Variants in SEPTIN4 observed in about 807,000 individuals in gnomAD.
SEPTIN4 encodes the protein septin-4.
Under a neutral mutation model 107.1 loss-of-function variants are expected in SEPTIN4, and 52 were observed. That is an observed-to-expected ratio of 0.49 (90% CI 0.39 to 0.61). SEPTIN4 has a LOEUF of 0.61. SEPTIN4 is among the 20% of genes least tolerant of loss of function. The probability of loss-of-function intolerance (pLI) is 0.00; values close to 1 mark genes in which losing one functional copy is unlikely to be tolerated. For synonymous variants in SEPTIN4, 417 were observed against 467.0 expected, an observed-to-expected ratio of 0.89 and a Z score of 1.38; for missense variants, 1,048 against 1,243.5, an observed-to-expected ratio of 0.84 and a Z score of 2.36.
rs755554839 is a variant in SEPTIN4, at chr17:58,526,953, G to A, written c.1640C>T (p.Thr547Met). 8.2e-5 allele frequency: 133 copies of A among 1,613,956 alleles called. No individual in the cohort carries two copies. Among genetic ancestry groups the A allele is most frequent in the African/African-American group, 1.2e-4 (9 of 74,902 alleles). The stretch of plus-strand genomic sequence containing the variant: ...GAACTTGCTCAGTTCTCCATCATCC[G>A]TGGTGTCCTCCAGGAAACGCTTGAT... ...EEIKRFLEDTTDDGELSKFVK... is the reference protein window; with the variant it reads ...EEIKRFLEDTMDDGELSKFVK... Residue 547 changes from threonine to methionine, a missense_variant, in exon 4 of 14, where the codon ACG becomes ATG. This residue lies in a region of SEPTIN4 where 787 missense variants were observed against 871.8 expected (regional missense o/e 0.90). Coordinates refer to ENST00000672673, the MANE Select transcript of SEPTIN4 (RefSeq NM_001368771.2).
At chr17:58,529,471 T>A in intron 3 of SEPTIN4, 1 of 1,309,782 alleles carries the variant, frequency 7.6e-7, no homozygotes. Flanking sequence ...TCTGATTGGC[T>A]GTCCCATGAC....
intron 3 of SEPTIN4, among the ~76,000 whole-genome samples, chr17:58,532,454 C>T (rs1339261893): frequency 6.6e-6 from 1 of 152,198 alleles, no homozygotes; most frequent in Admixed American, 6.5e-5. Context: ...CGCAGGGATT[C>T]AACAAGGTTT....
At position 58,538,893 on chromosome 17, in the gene SEPTIN4, G is replaced by A. The variant is rs905203507; in HGVS notation, c.1614+1773C>T. 4.6e-5 allele frequency among the ~76,000 whole-genome samples: 7 copies of A among 152,186 alleles called. No individual in the cohort carries two copies. Among genetic ancestry groups the A allele is most frequent in the African/African-American group, 1.2e-4 (5 of 41,436 alleles). ...TGATGCCTTCCACAAGCCAGGCATC[G>A]TGGCCAGGCCACCAGAGAATTCCTG... On this transcript the variant is annotated intron_variant, in intron 3 of 13. Transcript: ENST00000672673. This position sits in a 1 kb window ranked among gnomAD's most constrained non-coding sequence, Gnocchi z 4.7.
chr17:58,524,053 T>G (rs2042565059), intron 7 of SEPTIN4, among the ~76,000 whole-genome samples: 1 of 152,218 alleles, frequency 6.6e-6, no homozygotes, highest in Non-Finnish European at 1.5e-5. Flanking sequence ...CTCAAGATCA[T>G]GAAGTTACTA....
At chr17:58,529,021 G>A in intron 3 of SEPTIN4, 1 of 1,483,614 alleles carries the variant, frequency 6.7e-7, no homozygotes, top group African/African-American at 1.4e-5. Flanking sequence ...AGCTCTGCCA[G>A]TGACCAAATC....
In SEPTIN4 at chr17:58,526,955, G is replaced by C. The variant is rs144270535; in HGVS notation, c.1638C>G (p.Thr546=). ...ACTTGCTCAGTTCTCCATCATCCGT[G>C]GTGTCCTCCAGGAAACGCTTGATCT... The part of the protein sequence containing the change: ...DEEIKRFLED[T]TDDGELSKFV... Residue 546 remains threonine (T), a synonymous_variant, in exon 4 of 14, where the codon ACC becomes ACG. Transcript: ENST00000672673. The C allele has an allele frequency of 3.5e-5, 57 of 1,614,052 alleles. No individual in the cohort carries two copies. In the African/African-American group the frequency reaches 7.6e-4, roughly 22 times the overall value.
Position 58,521,047 on chromosome 17 carries a change from G to A in SEPTIN4, c.2782C>T (p.Gln928Ter). Residue 928 changes from glutamine (Q) to a stop codon, truncating the protein, a stop_gained, in exon 12 of 14, where the codon CAG becomes TAG. Coordinates refer to ENST00000672673, the MANE Select transcript of SEPTIN4 (RefSeq NM_001368771.2). LOFTEE classifies it high-confidence loss of function. The surrounding 1 kb of genome is among the most constrained non-coding windows in gnomAD (Gnocchi z 6.4). ...RETHYENYRA[Q>*]CIQSMTRLVV... ...AGGCGGGTCATGCTCTGGATGCACT[G>A]TGCCCGGTAGTTCTCATAATGTGTC... 3.7e-6 allele frequency: 6 copies of A among 1,614,154 alleles called. No homozygotes were observed. Among genetic ancestry groups the A allele is most frequent in the Non-Finnish European group, 5.1e-6 (6 of 1,180,032 alleles).
chr17:58,538,530 G>A lies in SEPTIN4; in HGVS notation c.1614+2136C>T, dbSNP rs2043791053. Among the ~76,000 whole-genome samples the A allele has an allele frequency of 6.6e-6, 1 of 152,104 alleles. No individual in the cohort carries two copies. Among genetic ancestry groups the A allele is most frequent in the Non-Finnish European group, 1.5e-5 (1 of 68,020 alleles). On this transcript the variant is annotated intron_variant, in intron 3 of 13. Coordinates refer to ENST00000672673, the MANE Select transcript of SEPTIN4 (RefSeq NM_001368771.2). This position sits in a 1 kb window ranked among gnomAD's most constrained non-coding sequence, Gnocchi z 4.7. ...CATTGCAGCCCCTCCCATCAGAACT[G>A]CTTTATTTCCAGGAAATCCCCAGGG...
intron 3 of SEPTIN4, among the ~76,000 whole-genome samples, chr17:58,537,690 C>T (rs894106858): frequency 2.0e-5 from 3 of 152,068 alleles, no homozygotes; most frequent in Middle Eastern, 3.4e-3. Flanking sequence ...ACTAGCTGGG[C>T]GTGGTGGCGG....
chr17:58,533,365 T>C, intron 3 of SEPTIN4, among the ~76,000 whole-genome samples: 1 of 152,162 alleles, frequency 6.6e-6, no homozygotes, highest in East Asian at 1.9e-4. Context: ...TTTCCATACC[T>C]GAAAATGAGG....
Position 58,538,555 on chromosome 17 carries a change from G to A in SEPTIN4, c.1614+2111C>T, listed in dbSNP as rs2043791637. ...GCTTTATTTCCAGGAAATCCCCAGG[G>A]CTATGTGAGAAGGCAGCCCCCAGTG... On this transcript the variant is annotated intron_variant, in intron 3 of 13. Transcript: ENST00000672673. This position sits in a 1 kb window ranked among gnomAD's most constrained non-coding sequence, Gnocchi z 4.7. Among the ~76,000 whole-genome samples, 1 of 152,054 alleles carries A rather than the reference G, an allele frequency of 6.6e-6. No individual in the cohort carries two copies. The highest frequency in any genetic ancestry group is 1.5e-5 in the Non-Finnish European group (1 of 68,012).
chr17:58,530,372 A>G (rs1021797978), intron 3 of SEPTIN4: 1 of 152,056 alleles, frequency 6.6e-6, no homozygotes, highest in African/African-American at 2.4e-5. Context: ...GTAAATTTAA[A>G]CCCCCTGGCA....
chr17:58,535,129 A>G (rs1263221012), intron 3 of SEPTIN4, among the ~76,000 whole-genome samples: 1 of 152,224 alleles, frequency 6.6e-6, no homozygotes, highest in African/African-American at 2.4e-5. Flanking sequence ...AAGTCTGTCC[A>G]ACAAGGTCTG....
chr17:58,530,094 G>T (rs2043333057), intron 3 of SEPTIN4: 1 of 152,222 alleles, frequency 6.6e-6, no homozygotes, highest in South Asian at 2.1e-4. Flanking sequence ...ATAAATTAAG[G>T]GGCCTGGTTG....
chr17:58,532,099 G>A lies in SEPTIN4; in HGVS notation c.1615-5121C>T, dbSNP rs1389599651. 30 of 1,069,106 alleles carry A rather than the reference G, an allele frequency of 2.8e-5. No individual in the cohort carries two copies. In the African/African-American group the frequency reaches 4.4e-4, roughly 16 times the overall value. The allele number at this position is 1,069,106 out of a possible 1,614,324, so 66.2% of individuals were successfully genotyped here. A position where few individuals can be genotyped will look rare whatever the true frequency, so the allele number is the denominator to read the frequency against. On this transcript the variant is annotated intron_variant, in intron 3 of 13. Coordinates refer to ENST00000672673, the MANE Select transcript of SEPTIN4 (RefSeq NM_001368771.2). ...CGGACCGCTGCGGGAGGGGCCCGGC[G>A]GCGGGGGCGGAGCGAGTCGGCCCCG...
chr17:58,536,378 G>A lies in SEPTIN4; in HGVS notation c.1614+4288C>T, dbSNP rs1192966934. ...TATTTCAAATGCCTTCCCTCCAAAG[G>A]ATTTGGAGTGTGCATGTGTAATAGG... On this transcript the variant is annotated intron_variant, in intron 3 of 13. Coordinates refer to ENST00000672673, the MANE Select transcript of SEPTIN4 (RefSeq NM_001368771.2). Among the ~76,000 whole-genome samples, 3 of 152,196 alleles carry A rather than the reference G, an allele frequency of 2.0e-5. No individual in the cohort carries two copies. The South Asian group carries it at 6.2e-4, about 32-fold the overall frequency.
intron 2 of SEPTIN4, chr17:58,540,911 C>T: frequency 2.6e-6 from 1 of 383,458 alleles, no homozygotes; most frequent in South Asian, 1.3e-4. Flanking sequence ...TAATAATCCT[C>T]ACAATAACCC....
rs561149399 is a variant in SEPTIN4 at position 58,533,633 on chromosome 17, G to C, written c.1615-6655C>G. Among the ~76,000 whole-genome samples, 5 of 152,264 alleles carry C rather than the reference G, an allele frequency of 3.3e-5. No homozygotes were observed. In the East Asian group the frequency reaches 9.7e-4, roughly 30 times the overall value. On this transcript the variant is annotated intron_variant, in intron 3 of 13. Coordinates refer to ENST00000672673, the MANE Select transcript of SEPTIN4 (RefSeq NM_001368771.2). ...CTGAAAGGGAACCTCTAAAGGTACA[G>C]AGAGGCTCCCGGAAAAGACCTGGGG...
chr17:58,520,654 G>A, intron 13 of SEPTIN4, 89 bp downstream of exon 13: 2 of 1,570,058 alleles, frequency 1.3e-6, no homozygotes, highest in Non-Finnish European at 1.7e-6. Flanking sequence ...ATATGCACCA[G>A]AGCCAGGGAT....
Sources: allele counts gnomAD v4.1 joint callset (sites outside exome capture counted in the v4.1 genomes callset), GRCh38; gene constraint gnomAD v4.1.1; regional missense constraint gnomAD v4.1.1; non-coding constraint Gnocchi (gnomAD v3.1); transcripts MANE v1.5; gene names NCBI Gene and HGNC (gene_info 2026-07-23, HGNC 2026-07-21).